The following VSTM4 variants were observed in gnomAD, a reference collection of about 807,000 sequenced individuals.
VSTM4 encodes the protein V-set and transmembrane domain-containing protein 4.
A neutral mutation model predicts 36.4 loss-of-function variants in VSTM4; 20 were observed. The ratio of observed to expected loss-of-function variants is 0.55; its 90% CI spans 0.39 to 0.80. The LOEUF (loss-of-function observed/expected upper bound fraction) is 0.80. Ranked by LOEUF, VSTM4 falls within the 30% of genes least tolerant of loss-of-function variation. The pLI is 0.00. For synonymous variants in VSTM4, 182 were observed against 173.9 expected, an observed-to-expected ratio of 1.05 and a Z score of -0.37; for missense variants, 392 against 404.5, an observed-to-expected ratio of 0.97 and a Z score of 0.26.
intron 5 of VSTM4, among the ~76,000 whole-genome samples, chr10:49,057,547 C>T (rs149611750): frequency 5.3e-5 from 8 of 152,298 alleles, no homozygotes; most frequent in South Asian, 4.1e-4. Flanking sequence ...CTGAAGCTGT[C>T]GGAATCCAGG....
chr10:49,047,229 C>T (rs1037974151), intron 6 of VSTM4, among the ~76,000 whole-genome samples, 185 bp from the exon 7 acceptor site: 5 of 152,182 alleles, frequency 3.3e-5, no homozygotes, highest in Non-Finnish European at 5.9e-5. Context: ...AGTCTTTGAA[C>T]GTTTTGTCGT....
chr10:49,039,071 A>G (rs1288548026), intron 7 of VSTM4, among the ~76,000 whole-genome samples: 1 of 152,210 alleles, frequency 6.6e-6, no homozygotes, highest in Non-Finnish European at 1.5e-5. Context: ...CAAGCAGGTC[A>G]CTGACGTGAA....
chr10:49,028,078 C>T (rs554521863), intron 7 of VSTM4, among the ~76,000 whole-genome samples: 27 of 152,306 alleles, frequency 1.8e-4, no homozygotes, highest in South Asian at 8.3e-4. Context: ...TCCTTGTCAG[C>T]GCTTTTTTTT....
chr10:49,067,960 A>T (rs1024380374), intron 4 of VSTM4, among the ~76,000 whole-genome samples: 3 of 152,218 alleles, frequency 2.0e-5, no homozygotes, highest in African/African-American at 7.2e-5. Flanking sequence ...TATACTTTTA[A>T]TCATCTCTAG....
intron 4 of VSTM4, among the ~76,000 whole-genome samples, chr10:49,068,452 G>A (rs1254404938): frequency 6.6e-6 from 1 of 152,130 alleles, no homozygotes; most frequent in African/African-American, 2.4e-5. Flanking sequence ...CAGTGCCAGG[G>A]TACAGGAGAT....
intron 7 of VSTM4, among the ~76,000 whole-genome samples, chr10:49,037,267 C>A (rs1368493882): frequency 6.6e-6 from 1 of 152,200 alleles, no homozygotes; most frequent in East Asian, 1.9e-4. Context: ...ACCAGAGGTG[C>A]CTACTTAGTC....
intron 7 of VSTM4, among the ~76,000 whole-genome samples, chr10:49,045,311 G>C (rs907259998): frequency 6.6e-6 from 1 of 151,228 alleles, no homozygotes; most frequent in Non-Finnish European, 1.5e-5. Context: ...AAATATCCAC[G>C]GATCCATACT....
chr10:49,107,500 C>T (rs1590138234), intron 2 of VSTM4, 94 bp downstream of exon 2: 1 of 1,480,414 alleles, frequency 6.8e-7, no homozygotes. Flanking sequence ...TAGTGCAACA[C>T]AGCCAACCCG....
intron 3 of VSTM4, among the ~76,000 whole-genome samples, chr10:49,081,349 A>G (rs1262754629): frequency 2.6e-5 from 4 of 152,226 alleles, no homozygotes; most frequent in African/African-American, 9.6e-5. Flanking sequence ...ACTTGCCTTT[A>G]GTCTTATTCA....
At chr10:49,089,675 T>C (rs1342097119) in intron 2 of VSTM4, among the ~76,000 whole-genome samples, 1 of 152,222 alleles carries the variant, frequency 6.6e-6, no homozygotes, top group African/African-American at 2.4e-5. Flanking sequence ...TGGCATCTGA[T>C]TATTAGAAAC....
intron 7 of VSTM4, among the ~76,000 whole-genome samples, chr10:49,034,700 T>TTTCTC (rs1554829827): frequency 6.6e-6 from 1 of 152,164 alleles, no homozygotes. Flanking sequence ...GTTGATGATG[T>TTTCTC]TTTTCTTTTC....
At chr10:49,051,809 G>GA (rs1246412981) in intron 5 of VSTM4, among the ~76,000 whole-genome samples, 2 of 152,152 alleles carry the variant, frequency 1.3e-5, no homozygotes, top group Non-Finnish European at 2.9e-5. Context: ...TAGCAATTAT[G>GA]AAAAAAGCTG....
At chr10:49,077,362 T>C (rs376693055) in intron 3 of VSTM4, 36 bp from the exon 4 acceptor site, 26 of 1,600,714 alleles carry the variant, frequency 1.6e-5, no homozygotes, top group Non-Finnish European at 2.2e-5. Context: ...GTCAGCCTTC[T>C]GGGGGCCGCA....
intron 3 of VSTM4, among the ~76,000 whole-genome samples, chr10:49,079,475 C>T (rs1312717814): frequency 6.6e-6 from 1 of 152,222 alleles, no homozygotes. Flanking sequence ...AAGCATTATT[C>T]TAACCATCTT....
intron 5 of VSTM4, among the ~76,000 whole-genome samples, chr10:49,062,427 C>G (rs1214314504): frequency 6.6e-6 from 1 of 152,060 alleles, no homozygotes; most frequent in Non-Finnish European, 1.5e-5. Context: ...GTCTGGAGGA[C>G]AGTTTTGCTG....
intron 7 of VSTM4, among the ~76,000 whole-genome samples, chr10:49,025,196 G>A (rs1276289070): frequency 6.6e-6 from 1 of 152,162 alleles, no homozygotes; most frequent in East Asian, 1.9e-4. Context: ...GTTTTAAGCT[G>A]CCCTGACTAT....
intron 3 of VSTM4, among the ~76,000 whole-genome samples, chr10:49,084,348 G>C (rs1844333039): frequency 6.6e-6 from 1 of 152,228 alleles, no homozygotes; most frequent in Non-Finnish European, 1.5e-5. Flanking sequence ...GGATTCTCAT[G>C]AGTGCAATCT....
At chr10:49,087,382 G>A (rs1564589136) in intron 2 of VSTM4, among the ~76,000 whole-genome samples, 1 of 151,932 alleles carries the variant, frequency 6.6e-6, no homozygotes. Context: ...ATCTGTTTTT[G>A]CTTTAGATCT....
chr10:49,032,020 C>T (rs1040071274), intron 7 of VSTM4, among the ~76,000 whole-genome samples: 2 of 152,136 alleles, frequency 1.3e-5, no homozygotes, highest in Non-Finnish European at 2.9e-5. Context: ...TCAACTGTGA[C>T]GTCCTCCCCA....
Sources: gnomAD v4.1 joint callset for allele counts (sites outside exome capture counted in the v4.1 genomes callset) on GRCh38, gnomAD v4.1.1 for gene constraint, MANE v1.5 for transcripts, NCBI Gene and HGNC (gene_info 2026-07-23, HGNC 2026-07-21) for gene names.